Variants in ADGRL3 observed in about 807,000 individuals in gnomAD.
ADGRL3 encodes adhesion G protein-coupled receptor L3, also known as calcium-independent alpha-latrotoxin receptor 3.
A neutral mutation model predicts 153.5 loss-of-function variants in ADGRL3; 62 were observed. That is an observed-to-expected ratio of 0.40 (90% CI 0.33 to 0.50). The LOEUF is 0.50. Ranked by LOEUF, ADGRL3 falls within the 20% of genes least tolerant of loss-of-function variation. The probability of loss-of-function intolerance (pLI) is 0.47; values close to 1 mark genes in which losing one functional copy is unlikely to be tolerated. For synonymous variants in ADGRL3, 710 were observed against 672.5 expected, an observed-to-expected ratio of 1.06 and a Z score of -0.86; for missense variants, 1,641 against 1,859.4, an observed-to-expected ratio of 0.88 and a Z score of 2.16.
chr4:61,418,836 C>T (rs1021577839), intron 2 of ADGRL3, among the ~76,000 whole-genome samples: 2 of 150,418 alleles, frequency 1.3e-5, no homozygotes, highest in Non-Finnish European at 2.9e-5. Context: ...AAGAGGTACT[C>T]AGTTGGATAT....
At chr4:61,575,448 T>G (rs1445372424) in intron 4 of ADGRL3, among the ~76,000 whole-genome samples, 2 of 151,978 alleles carry the variant, frequency 1.3e-5, no homozygotes, top group African/African-American at 2.4e-5. Flanking sequence ...CTGTGGTATG[T>G]TGTCTCATGG....
At position 62,076,034 on chromosome 4, in the gene ADGRL3, C is replaced by T. The variant is rs921209357; in HGVS notation, c.*5126C>T. 6.6e-5 allele frequency: 10 copies of T among 152,040 alleles called. 1 individual carries two copies. The East Asian group carries it at 1.7e-3, about 26-fold the overall frequency. The allele number at this position is 152,040 out of a possible 1,614,324, so 9.4% of individuals were successfully genotyped here. On this transcript the variant is annotated 3_prime_UTR_variant, in exon 27 of 27. Transcript: ENST00000683033. ...CCTGTACACATACACACTCTGATTC[C>T]ATTTATTTACAGCCTGCAGAAGAAG...
At chr4:61,448,495 A>G (rs1316340040) in intron 2 of ADGRL3, among the ~76,000 whole-genome samples, 3 of 152,098 alleles carry the variant, frequency 2.0e-5, no homozygotes, top group East Asian at 3.9e-4. Context: ...TATTTATGGA[A>G]TAAGAATAAT....
intron 5 of ADGRL3, among the ~76,000 whole-genome samples, chr4:61,628,013 G>T (rs2092935449): frequency 6.6e-6 from 1 of 152,142 alleles, no homozygotes; most frequent in African/African-American, 2.4e-5. Context: ...TCGTGTTACA[G>T]AGTAACTCTC....
At position 61,909,562 on chromosome 4, in the gene ADGRL3, G is replaced by A; in HGVS notation, c.1890G>A (p.Leu630=). The A allele has an allele frequency of 6.2e-7, 1 of 1,609,066 alleles. No individual in the cohort carries two copies. The change falls in exon 12 of 27, where the codon TTG becomes TTA. Residue 630 remains leucine, a splice_region_variant and synonymous_variant. Transcript: ENST00000683033. ...SPWVNHITQK[L]KSGETAANIA... ...TGTATTCCATTTAAAAATTATAGTT[G>A]AAATCTGGTGAAACAGCTGCCAACA...
intron 5 of ADGRL3, among the ~76,000 whole-genome samples, chr4:61,619,183 G>T (rs968916830): frequency 6.6e-6 from 1 of 152,100 alleles, no homozygotes; most frequent in Non-Finnish European, 1.5e-5. Flanking sequence ...TATACAGTAG[G>T]ACAGAAACAA....
chr4:61,803,568 A>AT (rs1213877855), intron 8 of ADGRL3, among the ~76,000 whole-genome samples: 3 of 152,020 alleles, frequency 2.0e-5, no homozygotes, highest in African/African-American at 7.2e-5. Context: ...ATGTCATGAT[A>AT]TTTTTTATAT....
intron 1 of ADGRL3, among the ~76,000 whole-genome samples, chr4:61,274,388 G>T (rs1324365867): frequency 6.6e-6 from 1 of 152,152 alleles, no homozygotes; most frequent in Non-Finnish European, 1.5e-5. Flanking sequence ...GAAGAAATAT[G>T]TTATGAGCTT....
At position 61,235,622 on chromosome 4, in the gene ADGRL3, T is replaced by A. The variant is rs113625129; in HGVS notation, c.-240+33857T>A. 4.0e-3 allele frequency among the ~76,000 whole-genome samples: 607 copies of A among 152,266 alleles called. 3 individuals are homozygous for A. The highest frequency in any genetic ancestry group is 5.8e-3 in the Non-Finnish European group (392 of 68,018). On this transcript the variant is annotated intron_variant, in intron 1 of 26. Coordinates refer to ENST00000683033, the MANE Select transcript of ADGRL3 (RefSeq NM_001387552.1). ...TGGAGTATCACCAAACCTGAAAGAA[T>A]AATGCATCACTCAAAATAAGAGCTA...
intron 2 of ADGRL3, among the ~76,000 whole-genome samples, chr4:61,479,409 T>C (rs1270148254): frequency 1.3e-5 from 2 of 152,064 alleles, no homozygotes; most frequent in Admixed American, 6.6e-5. Flanking sequence ...TCCTATAGAG[T>C]ACCTTGGTGA....
intron 1 of ADGRL3, among the ~76,000 whole-genome samples, chr4:61,219,825 C>T (rs1744563345): frequency 3.3e-5 from 5 of 152,106 alleles, no homozygotes. Flanking sequence ...ATAAAGTCAT[C>T]TGCCAGGTGC....
At chr4:61,284,358 C>A (rs1308949411) in intron 1 of ADGRL3, among the ~76,000 whole-genome samples, 4 of 151,864 alleles carry the variant, frequency 2.6e-5, no homozygotes, top group Admixed American at 1.3e-4. Flanking sequence ...CAACTTATTT[C>A]CCTTCTGAAA....
intron 5 of ADGRL3, among the ~76,000 whole-genome samples, chr4:61,650,240 TAATAA>T (rs1182639270): frequency 1.3e-5 from 2 of 152,182 alleles, no homozygotes; most frequent in Non-Finnish European, 2.9e-5. Flanking sequence ...ATACCATTTT[TAATAA>T]AATAAAATCC....
At chr4:61,701,834 G>A (rs1020647223) in intron 6 of ADGRL3, among the ~76,000 whole-genome samples, 1 of 151,976 alleles carries the variant, frequency 6.6e-6, no homozygotes, top group African/African-American at 2.4e-5. Context: ...TTTTACAATA[G>A]AATCATATTT....
At chr4:61,524,318 T>C (rs1292355312) in intron 4 of ADGRL3, among the ~76,000 whole-genome samples, 3 of 152,102 alleles carry the variant, frequency 2.0e-5, no homozygotes, top group African/African-American at 7.2e-5. Context: ...GTTTTTAGAA[T>C]CTGCATTTCC....
At chr4:61,583,106 A>G (rs527527868) in intron 4 of ADGRL3, among the ~76,000 whole-genome samples, 1 of 152,146 alleles carries the variant, frequency 6.6e-6, no homozygotes, top group African/African-American at 2.4e-5. Flanking sequence ...CTTAGACTAT[A>G]TTTAGTCTTT....
At chr4:61,684,187 T>A (rs1431980901) in intron 6 of ADGRL3, among the ~76,000 whole-genome samples, 2 of 152,174 alleles carry the variant, frequency 1.3e-5, no homozygotes, top group African/African-American at 4.8e-5. Context: ...GAGAAGGTAG[T>A]GAGCCATTTC....
At chr4:61,894,117 G>T (rs146307150) in intron 10 of ADGRL3, among the ~76,000 whole-genome samples, 1 of 151,804 alleles carries the variant, frequency 6.6e-6, no homozygotes, top group African/African-American at 2.4e-5. Context: ...TTATTGTTAC[G>T]TACATTGGTA....
intron 1 of ADGRL3, among the ~76,000 whole-genome samples, chr4:61,249,194 ATTTC>A (rs1758235643): frequency 1.3e-5 from 2 of 152,132 alleles, no homozygotes; most frequent in Non-Finnish European, 2.9e-5. Context: ...GAATAAATGG[ATTTC>A]TTTTTCTTTT....
Sources: allele counts gnomAD v4.1 joint callset (sites outside exome capture counted in the v4.1 genomes callset), GRCh38; gene constraint gnomAD v4.1.1; transcripts MANE v1.5; gene names NCBI Gene and HGNC (gene_info 2026-07-23, HGNC 2026-07-21).